Variants in KLF16 observed in about 807,000 individuals in gnomAD.
The protein encoded by KLF16 is KLF transcription factor 16.
A neutral mutation model predicts 6.1 loss-of-function variants in KLF16; 6 were observed. The ratio of observed to expected loss-of-function variants is 0.98; its 90% CI spans 0.54 to 1.93. The LOEUF (loss-of-function observed/expected upper bound fraction) is 1.93. Among genes scored for constraint, KLF16 ranks in the 30% most tolerant of loss-of-function variants. KLF16 has a pLI of 0.01. For missense variants in KLF16, 355 were observed against 363.8 expected, an observed-to-expected ratio of 0.98 and a Z score of 0.20; for synonymous variants, 211 against 176.5, an observed-to-expected ratio of 1.20 and a Z score of -1.55.
rs934121776 is a variant in KLF16, at chr19:1,852,497, G to A, written c.*1962C>T. On this transcript the variant is annotated 3_prime_UTR_variant, in exon 2 of 2. Coordinates refer to ENST00000250916, the MANE Select transcript of KLF16 (RefSeq NM_031918.4). ...ACCCACGGAAAGCACACGCCTCTCG[G>A]AGCCGCCTCCCCTGCAAACGGCTGG... 5 of 152,172 alleles carry A rather than the reference G, an allele frequency of 3.3e-5. No homozygotes were observed. Among genetic ancestry groups the A allele is most frequent in the Admixed American group, 2.6e-4 (4 of 15,286 alleles). 9.4% of individuals were successfully genotyped at this position (152,172 alleles called of 1,614,324 possible).
chr19:1,865,454 A>G (rs2012172610), upstream of KLF16, among the ~76,000 whole-genome samples: 1 of 152,198 alleles, frequency 6.6e-6, no homozygotes, highest in African/African-American at 2.4e-5. Flanking sequence ...TCCACACCCA[A>G]CCATGCGTCT....
In KLF16 at chr19:1,863,095, C is replaced by T. The variant is rs1344710580; in HGVS notation, c.403G>A (p.Ala135Thr). ...KSHRCPFPDC[A>T]KAYYKSSHLK... The stretch of plus-strand genomic sequence containing the variant: ...TGCGAGGACTTGTAGTAGGCTTTGG[C>T]GCAGTCCGGGAAGGGACAGCGGTGG... The change falls in exon 1 of 2, where the codon GCC becomes ACC. Residue 135 changes from alanine (A) to threonine (T), a missense_variant. Coordinates refer to ENST00000250916, the MANE Select transcript of KLF16 (RefSeq NM_031918.4). 3.6e-6 allele frequency: 5 copies of T among 1,403,764 alleles called. No homozygotes were observed. Among genetic ancestry groups the T allele is most frequent in the Non-Finnish European group, 3.8e-6 (4 of 1,060,286 alleles). 87.0% of individuals were successfully genotyped at this position (1,403,764 alleles called of 1,614,324 possible). A position where few individuals can be genotyped will look rare whatever the true frequency, so the allele number is the denominator to read the frequency against.
chr19:1,858,629 C>A (rs575697754), intron 1 of KLF16, among the ~76,000 whole-genome samples: 1 of 152,244 alleles, frequency 6.6e-6, no homozygotes, highest in South Asian at 2.1e-4. Flanking sequence ...AGAGCAAGGG[C>A]AGATAATGTT....
At chr19:1,868,462 T>A (rs12984717), upstream of KLF16, among the ~76,000 whole-genome samples, 1,386 of 8,866 alleles carry the variant, frequency 0.16, 37 homozygotes, top group African/African-American at 0.26. Context: ...AGATTAGGGC[T>A]TTTTTTTTTT....
Position 1,854,456 on chromosome 19 carries a change from G to T in KLF16, c.*3C>A. On this transcript the variant is annotated 3_prime_UTR_variant, in exon 2 of 2. Transcript: ENST00000250916. ...GGCGGTCAGGGTGGGCTGCACGAGGGCCCTACAGGCCTGCGGGGGCTGGGC... is the reference window on the plus strand; with the variant it reads ...GGCGGTCAGGGTGGGCTGCACGAGGTCCCTACAGGCCTGCGGGGGCTGGGC... 1 of 1,401,092 alleles carries T rather than the reference G, an allele frequency of 7.1e-7. No individual in the cohort carries two copies. Among genetic ancestry groups the T allele is most frequent in the East Asian group, 2.9e-5 (1 of 34,812 alleles). 86.8% of individuals were successfully genotyped at this position (1,401,092 alleles called of 1,614,324 possible).
At chr19:1,854,937 C>CG (rs962673977) in intron 1 of KLF16, among the ~76,000 whole-genome samples, 177 bp from the exon 2 acceptor site, 1 of 152,130 alleles carries the variant, frequency 6.6e-6, no homozygotes, top group Non-Finnish European at 1.5e-5. Flanking sequence ...ACCCGCCCCC[C>CG]GGTGGCCCAA....
intron 1 of KLF16, among the ~76,000 whole-genome samples, chr19:1,856,730 G>A (rs1351437386): frequency 6.6e-6 from 1 of 152,222 alleles, no homozygotes; most frequent in East Asian, 1.9e-4. Flanking sequence ...GTGGGAGCGC[G>A]GCTGGAGCAG....
the KLF16 span, among the ~76,000 whole-genome samples, chr19:1,873,126 G>C: frequency 5.3e-5 from 8 of 152,216 alleles, no homozygotes; most frequent in African/African-American, 1.9e-4. Flanking sequence ...CAGAACCCCA[G>C]AGGGCCCTCA....
At chr19:1,871,233 G>C in the KLF16 span, among the ~76,000 whole-genome samples, 13 of 152,334 alleles carry the variant, frequency 8.5e-5, no homozygotes, top group South Asian at 2.7e-3. Context: ...AATTCTCCGT[G>C]TGTTGTCACC....
upstream of KLF16, among the ~76,000 whole-genome samples, chr19:1,863,796 G>C (rs1045841259): frequency 2.8e-5 from 4 of 144,362 alleles, no homozygotes; most frequent in African/African-American, 7.5e-5. Flanking sequence ...GCGGCCGCCG[G>C]GGGCGGGGCT....
At chr19:1,864,334 A>T (rs2145371937), upstream of KLF16, among the ~76,000 whole-genome samples, 1 of 152,186 alleles carries the variant, frequency 6.6e-6, no homozygotes. Context: ...GCACTCAGGC[A>T]TCTGCTCGTC....
At chr19:1,872,768 G>T in the KLF16 span, among the ~76,000 whole-genome samples, 1 of 152,082 alleles carries the variant, frequency 6.6e-6, no homozygotes, top group Non-Finnish European at 1.5e-5. Flanking sequence ...TACTTCTCTC[G>T]GTGGGGAAGC....
chr19:1,875,578 G>A, the KLF16 span: 14 of 152,224 alleles, frequency 9.2e-5, no homozygotes, highest in African/African-American at 3.1e-4. Flanking sequence ...CTGTGCACCT[G>A]AACACACTTT....
At chr19:1,864,845 C>G (rs1006548509), upstream of KLF16, among the ~76,000 whole-genome samples, 3 of 152,178 alleles carry the variant, frequency 2.0e-5, no homozygotes, top group Admixed American at 2.0e-4. Flanking sequence ...CCCTCGGTCG[C>G]GACCGCGCTC....
the KLF16 span, among the ~76,000 whole-genome samples, chr19:1,870,537 C>T: frequency 3.3e-5 from 5 of 151,982 alleles, no homozygotes; most frequent in Admixed American, 6.5e-5. Context: ...AGTGTGGTGA[C>T]GTGTGCCTGT....
chr19:1,862,458 G>A (rs1451117000), intron 1 of KLF16, among the ~76,000 whole-genome samples: 1 of 151,354 alleles, frequency 6.6e-6, no homozygotes, highest in Non-Finnish European at 1.5e-5. Flanking sequence ...GCCCCAACCC[G>A]CGCTCCTAGC....
upstream of KLF16, among the ~76,000 whole-genome samples, chr19:1,863,963 T>C (rs1298702827): frequency 7.5e-6 from 1 of 133,680 alleles, no homozygotes; most frequent in Non-Finnish European, 1.6e-5. Context: ...CCCGTACCCT[T>C]TCCCGGAGCA....
At chr19:1,870,895 C>A in the KLF16 span, among the ~76,000 whole-genome samples, 1 of 152,222 alleles carries the variant, frequency 6.6e-6, no homozygotes, top group Non-Finnish European at 1.5e-5. Context: ...ACTCGGGAGG[C>A]TGAGGCAGGA....
upstream of KLF16, among the ~76,000 whole-genome samples, chr19:1,868,482 T>A (rs1253520752): frequency 6.7e-5 from 4 of 59,378 alleles, no homozygotes; most frequent in Non-Finnish European, 1.8e-4. Flanking sequence ...TTTTTTTTTT[T>A]TTTTTTTTTT....
Sources: allele counts gnomAD v4.1 joint callset (sites outside exome capture counted in the v4.1 genomes callset), GRCh38; gene constraint gnomAD v4.1.1; transcripts MANE v1.5; gene names NCBI Gene and HGNC (gene_info 2026-07-23, HGNC 2026-07-21).